MFAP5: variants seen among roughly 807,000 people sequenced by gnomAD.
The protein encoded by MFAP5 is microfibrillar-associated protein 5.
Under a neutral mutation model 30.1 loss-of-function variants are expected in MFAP5, and 19 were observed. That is an observed-to-expected ratio of 0.63 (90% CI 0.44 to 0.93). The LOEUF is 0.93. MFAP5 is among the 40% of genes least tolerant of loss of function. The pLI is 0.00. For synonymous variants in MFAP5, 92 were observed against 72.9 expected, an observed-to-expected ratio of 1.26 and a Z score of -1.33; for missense variants, 210 against 221.3, an observed-to-expected ratio of 0.95 and a Z score of 0.32.
Position 8,656,034 on chromosome 12 carries a change from C to T in MFAP5, c.95-204G>A, listed in dbSNP as rs35365089. 0.065 allele frequency among the ~76,000 whole-genome samples: 9,813 copies of T among 150,936 alleles called. 384 individuals are homozygous for T. Among genetic ancestry groups the T allele is most frequent in the Middle Eastern group, 0.1 (30 of 288 alleles). On this transcript the variant is annotated intron_variant, in intron 3 of 9. Transcript: ENST00000359478. The stretch of plus-strand genomic sequence containing the variant: ...AAAATGAAATCGGATATACCAAAGG[C>T]ATTGTGATTTTGACATTCATAATTC...
At chr12:8,659,886 C>G (rs935039915) in intron 3 of MFAP5, among the ~76,000 whole-genome samples, 2 of 152,148 alleles carry the variant, frequency 1.3e-5, no homozygotes, top group African/African-American at 4.8e-5. Context: ...TTGTGACCCA[C>G]TAAATTGATT....
rs1333600097 is a variant in MFAP5 at position 8,646,947 on chromosome 12, A to G, written c.*1144T>C. ...ACTGCGCCCAGCAGTACTAAGATAAATTTAACCTTCTCATTTTAAAGATGA... is the reference window on the plus strand; with the variant it reads ...ACTGCGCCCAGCAGTACTAAGATAAGTTTAACCTTCTCATTTTAAAGATGA... On this transcript the variant is annotated 3_prime_UTR_variant, in exon 10 of 10. Coordinates refer to ENST00000359478, the MANE Select transcript of MFAP5 (RefSeq NM_003480.4). 1 of 152,172 alleles carries G rather than the reference A, an allele frequency of 6.6e-6. No homozygotes were observed. Among genetic ancestry groups the G allele is most frequent in the African/African-American group, 2.4e-5 (1 of 41,448 alleles). The allele number at this position is 152,172 out of a possible 1,614,324, so 9.4% of individuals were successfully genotyped here.
intron 7 of MFAP5, 38 bp downstream of exon 7, chr12:8,651,624 A>G: frequency 1.2e-6 from 2 of 1,608,486 alleles, no homozygotes; most frequent in Non-Finnish European, 1.7e-6. Context: ...CACAGGAAGA[A>G]AAAAAGGCTT....
chr12:8,646,257 G>C lies in MFAP5; in HGVS notation c.*1834C>G, dbSNP rs767001841. ...TTGTAGCATTTTTTTAAAATCAGTTGTACAGATCCCATTAAACGAAATTGT... is the reference window on the plus strand; with the variant it reads ...TTGTAGCATTTTTTTAAAATCAGTTCTACAGATCCCATTAAACGAAATTGT... On this transcript the variant is annotated 3_prime_UTR_variant, in exon 10 of 10. Transcript: ENST00000359478. 1.3e-5 allele frequency: 2 copies of C among 152,146 alleles called. No individual in the cohort carries two copies. Among genetic ancestry groups the C allele is most frequent in the South Asian group, 4.1e-4 (2 of 4,824 alleles). 9.4% of individuals were successfully genotyped at this position (152,146 alleles called of 1,614,324 possible). A position where few individuals can be genotyped will look rare whatever the true frequency, so the allele number is the denominator to read the frequency against.
chr12:8,660,951 T>C, intron 2 of MFAP5, 53 bp from the exon 3 acceptor site: 1 of 1,468,086 alleles, frequency 6.8e-7, no homozygotes, highest in South Asian at 1.2e-5. Flanking sequence ...CTATACCTCG[T>C]AACCCTTTTA....
chr12:8,653,106 T>C (rs946587350), intron 6 of MFAP5, among the ~76,000 whole-genome samples: 1 of 151,248 alleles, frequency 6.6e-6, no homozygotes, highest in African/African-American at 2.4e-5. Context: ...GCAGGAGAAT[T>C]GCTTGAACCC....
Position 8,662,149 on chromosome 12 carries a change from G to A in MFAP5, c.-2-43C>T, listed in dbSNP as rs746855190. On this transcript the variant is annotated intron_variant, in intron 1 of 9. Coordinates refer to ENST00000359478, the MANE Select transcript of MFAP5 (RefSeq NM_003480.4). ...ATAGCAGAGAATGTGATGCTCAGAG[G>A]CACATCAGCATTTCAGTGCCAGGGA... 9 of 1,548,692 alleles carry A rather than the reference G, an allele frequency of 5.8e-6. No individual in the cohort carries two copies. The East Asian group carries it at 1.4e-4, about 23-fold the overall frequency.
At position 8,648,257 on chromosome 12, in the gene MFAP5, C is replaced by G. The variant is rs928864745; in HGVS notation, c.410-54G>C. ...GAGAATGCAGAAGATAACAAAGGCT[C>G]TTGTTTTAAGGGATAGAGAAGACTT... is the stretch of plus-strand genomic sequence containing the variant. On this transcript the variant is annotated intron_variant, in intron 9 of 9. Coordinates refer to ENST00000359478, the MANE Select transcript of MFAP5 (RefSeq NM_003480.4). 10 of 1,452,694 alleles carry G rather than the reference C, an allele frequency of 6.9e-6. No individual in the cohort carries two copies. The African/African-American group carries it at 1.3e-4, about 18-fold the overall frequency. The allele number at this position is 1,452,694 out of a possible 1,614,324, so 90.0% of individuals were successfully genotyped here.
chr12:8,656,220 C>T (rs1178329198), intron 3 of MFAP5, among the ~76,000 whole-genome samples: 2 of 151,618 alleles, frequency 1.3e-5, no homozygotes, highest in Non-Finnish European at 2.9e-5. Flanking sequence ...GCCACAGCGC[C>T]CGGCTAATTT....
Position 8,649,542 on chromosome 12 carries a change from A to T in MFAP5, c.368T>A (p.Ile123Asn). The change falls in exon 9 of 10, where the codon ATC (isoleucine) becomes AAC (asparagine). Residue 123 changes from isoleucine (I) to asparagine (N), a missense_variant. Coordinates refer to ENST00000359478, the MANE Select transcript of MFAP5 (RefSeq NM_003480.4). ...LRRMYIVNKE[I>N]CSRLVCKEHE... Reference sequence around the variant, plus strand: ...TTCCTTACAGACAAGACGAGAGCAGATCTCCTTGTTGACGATGTACATACG... The same window carrying T: ...TTCCTTACAGACAAGACGAGAGCAGTTCTCCTTGTTGACGATGTACATACG... The T allele has an allele frequency of 6.2e-7, 1 of 1,614,122 alleles. No homozygotes were observed. Among genetic ancestry groups the T allele is most frequent in the South Asian group, 1.1e-5 (1 of 91,090 alleles).
intron 6 of MFAP5, 30 bp downstream of exon 6, chr12:8,654,407 A>G (rs755970123): frequency 5.1e-6 from 8 of 1,580,626 alleles, no homozygotes; most frequent in Non-Finnish European, 6.0e-6. Context: ...AATGGCCCTG[A>G]TGACCTGGGG....
chr12:8,646,753 G>C lies in MFAP5; in HGVS notation c.*1338C>G, dbSNP rs1941691311. The C allele has an allele frequency of 6.6e-6, 1 of 152,022 alleles. No individual in the cohort carries two copies. Among genetic ancestry groups the C allele is most frequent in the Non-Finnish European group, 1.5e-5 (1 of 68,028 alleles). 9.4% of individuals were successfully genotyped at this position (152,022 alleles called of 1,614,324 possible). A position where few individuals can be genotyped will look rare whatever the true frequency, so the allele number is the denominator to read the frequency against. ...AGGTTCAATTGATTCTCCTGCCTCA[G>C]CCTCCCGAGTAGCTGGGATTACAGG... On this transcript the variant is annotated 3_prime_UTR_variant, in exon 10 of 10. Transcript: ENST00000359478.
rs1941689801 is a variant in MFAP5, at chr12:8,646,690, A to C, written c.*1401T>G. ...GCTTTTGTCACCCAGGCTGGAGTGC[A>C]ATGGCGCCATCTCGGCTCACTGCAA... On this transcript the variant is annotated 3_prime_UTR_variant, in exon 10 of 10. Coordinates refer to ENST00000359478, the MANE Select transcript of MFAP5 (RefSeq NM_003480.4). The C allele has an allele frequency of 1.3e-5, 2 of 152,102 alleles. No homozygotes were observed. Among genetic ancestry groups the C allele is most frequent in the Admixed American group, 1.3e-4 (2 of 15,270 alleles). The allele number at this position is 152,102 out of a possible 1,614,324, so 9.4% of individuals were successfully genotyped here. A position where few individuals can be genotyped will look rare whatever the true frequency, so the allele number is the denominator to read the frequency against.
chr12:8,653,002 C>T (rs899380601), intron 6 of MFAP5, among the ~76,000 whole-genome samples: 4 of 151,896 alleles, frequency 2.6e-5, no homozygotes, highest in Admixed American at 6.6e-5. Flanking sequence ...CCAGTCTGGC[C>T]AACGTGTTGA....
intron 6 of MFAP5, among the ~76,000 whole-genome samples, chr12:8,653,116 C>T (rs917187686): frequency 4.6e-5 from 7 of 151,160 alleles, no homozygotes; most frequent in East Asian, 1.9e-4. Context: ...TGCTTGAACC[C>T]GGGAGGCGGA....
At chr12:8,655,087 G>A (rs1358912321) in intron 5 of MFAP5, among the ~76,000 whole-genome samples, 1 of 152,010 alleles carries the variant, frequency 6.6e-6, no homozygotes, top group Admixed American at 6.6e-5. Flanking sequence ...AGACCAGCTC[G>A]GCCAACATGG....
chr12:8,654,940 C>CAAAAAAAAA (rs34739708), intron 5 of MFAP5, among the ~76,000 whole-genome samples: 4 of 114,662 alleles, frequency 3.5e-5, no homozygotes, highest in African/African-American at 1.3e-4. Flanking sequence ...GACTCTGTCT[C>CAAAAAAAAA]AAAAAAAAAA....
At chr12:8,656,443 T>C (rs1941990464) in intron 3 of MFAP5, among the ~76,000 whole-genome samples, 2 of 149,082 alleles carry the variant, frequency 1.3e-5, no homozygotes, top group African/African-American at 5.0e-5. Flanking sequence ...AGAGTCTCGC[T>C]CTGTCACCCA....
In MFAP5 at chr12:8,662,032, G is replaced by A. The variant is rs1358639868; in HGVS notation, c.58+15C>T. 6.2e-7 allele frequency: 1 copy of A among 1,612,926 alleles called. No homozygotes were observed. Among genetic ancestry groups the A allele is most frequent in the South Asian group, 1.1e-5 (1 of 90,786 alleles). On this transcript the variant is annotated intron_variant, in intron 2 of 9. Transcript: ENST00000359478. ...AGGAGCTGAGGGTTTAGGGAGCAAAGAATAAAGGACTCACCAGAGGTGATG... is the reference window on the plus strand; with the variant it reads ...AGGAGCTGAGGGTTTAGGGAGCAAAAAATAAAGGACTCACCAGAGGTGATG...
Sources: allele counts gnomAD v4.1 joint callset (sites outside exome capture counted in the v4.1 genomes callset), GRCh38; gene constraint gnomAD v4.1.1; transcripts MANE v1.5; gene names NCBI Gene and HGNC (gene_info 2026-07-23, HGNC 2026-07-21).